PNPT1: variants seen among roughly 807,000 people sequenced by gnomAD.
The protein encoded by PNPT1 is polyribonucleotide nucleotidyltransferase 1, mitochondrial.
Under a neutral mutation model 119.5 loss-of-function variants are expected in PNPT1, and 53 were observed. The ratio of observed to expected loss-of-function variants is 0.44; its 90% CI spans 0.36 to 0.56. The LOEUF (loss-of-function observed/expected upper bound fraction) is 0.56. Among genes scored for constraint, PNPT1 ranks in the 20% least tolerant of loss-of-function variants. The pLI is 0.00. For synonymous variants in PNPT1, 357 were observed against 322.1 expected, an observed-to-expected ratio of 1.11 and a Z score of -1.16; for missense variants, 948 against 938.5, an observed-to-expected ratio of 1.01 and a Z score of -0.13.
chr2:55,658,998 A>G (rs1399163981), intron 15 of PNPT1, among the ~76,000 whole-genome samples: 1 of 152,192 alleles, frequency 6.6e-6, no homozygotes, highest in Non-Finnish European at 1.5e-5. Context: ...TCTGTTGCCC[A>G]GGCTGAAGTG....
intron 8 of PNPT1, among the ~76,000 whole-genome samples, chr2:55,675,726 C>T (rs1415453551): frequency 6.6e-6 from 1 of 152,086 alleles, no homozygotes; most frequent in African/African-American, 2.4e-5. Flanking sequence ...AAGAACACTC[C>T]TTACAGTTGA....
At position 55,666,407 on chromosome 2, in the gene PNPT1, A is replaced by C. The variant is rs541216925; in HGVS notation, c.1176+584T>G. 2.0e-5 allele frequency among the ~76,000 whole-genome samples: 3 copies of C among 152,316 alleles called. No individual in the cohort carries two copies. In the South Asian group the frequency reaches 6.2e-4, roughly 32 times the overall value. Reference sequence around the variant, plus strand: ...CCAAAGTGCTGGAATTACAAGAGTGAGCTACCATGCCTGGCCTGTTCATTA... The same window carrying C: ...CCAAAGTGCTGGAATTACAAGAGTGCGCTACCATGCCTGGCCTGTTCATTA... On this transcript the variant is annotated intron_variant, in intron 13 of 27. Transcript: ENST00000447944.
rs766792821 is a variant in PNPT1, at chr2:55,646,269, T to C, written c.1728A>G (p.Gln576=). Residue 576 remains glutamine (Q), a synonymous_variant, in exon 21 of 28, where the codon CAA becomes CAG. Transcript: ENST00000447944. ...AGCACACTAGCTCACCTGAAGCTTG[T>C]TGAATAGCCTCCATCACAATTTTTA... ...IPIKIVMEAI[Q]QASVAKKEIL... 78 of 1,612,958 alleles carry C rather than the reference T, an allele frequency of 4.8e-5. No homozygotes were observed. Among genetic ancestry groups the C allele is most frequent in the Non-Finnish European group, 6.2e-5 (73 of 1,179,222 alleles).
At chr2:55,686,219 C>G in intron 3 of PNPT1, 151 bp downstream of exon 3, 1 of 642,636 alleles carries the variant, frequency 1.6e-6, no homozygotes, top group Non-Finnish European at 2.6e-6. Context: ...GCAGTTTATA[C>G]TCTTTTAATG....
At chr2:55,661,755 A>G (rs1247163663) in intron 14 of PNPT1, among the ~76,000 whole-genome samples, 1 of 152,226 alleles carries the variant, frequency 6.6e-6, no homozygotes, top group Non-Finnish European at 1.5e-5. Flanking sequence ...TGCTTTACTA[A>G]TATTTGTTCC....
At chr2:55,637,032 G>C (rs1261443339) in intron 27 of PNPT1, among the ~76,000 whole-genome samples, 1 of 152,182 alleles carries the variant, frequency 6.6e-6, no homozygotes, top group Non-Finnish European at 1.5e-5. Context: ...GCGTATTAGC[G>C]TAAGTGAAAG....
At chr2:55,683,612 C>CAAAAA (rs397943177) in intron 5 of PNPT1, among the ~76,000 whole-genome samples, 173 bp downstream of exon 5, 1 of 74,166 alleles carries the variant, frequency 1.3e-5, no homozygotes, top group South Asian at 4.3e-4. Flanking sequence ...GACTCTGTCT[C>CAAAAA]AAAAAAAAAA....
intron 13 of PNPT1, 82 bp downstream of exon 13, chr2:55,666,909 C>G: frequency 1.2e-6 from 1 of 847,840 alleles, no homozygotes; most frequent in Non-Finnish European, 1.8e-6. Flanking sequence ...ACAAAACCTA[C>G]AGCATCTACT....
At chr2:55,650,724 T>G (rs1482224804) in intron 18 of PNPT1, among the ~76,000 whole-genome samples, 1 of 143,890 alleles carries the variant, frequency 6.9e-6, no homozygotes, top group African/African-American at 2.6e-5. Context: ...CCGCCCCGTC[T>G]GAGAAGTGAG....
At chr2:55,677,940 A>G (rs1278661957) in intron 8 of PNPT1, among the ~76,000 whole-genome samples, 1 of 151,950 alleles carries the variant, frequency 6.6e-6, no homozygotes, top group Non-Finnish European at 1.5e-5. Context: ...ACAGGGTTTC[A>G]CTGTGTTAGC....
chr2:55,670,288 G>A (rs1341784430), intron 11 of PNPT1, among the ~76,000 whole-genome samples: 2 of 151,958 alleles, frequency 1.3e-5, no homozygotes, highest in African/African-American at 2.4e-5. Flanking sequence ...CTGGGTTCAC[G>A]CCATTCTCCT....
chr2:55,662,702 A>C (rs1696616230), intron 13 of PNPT1, among the ~76,000 whole-genome samples: 1 of 152,074 alleles, frequency 6.6e-6, no homozygotes, highest in African/African-American at 2.4e-5. Context: ...AAATAAATTA[A>C]GAAAATCAGT....
chr2:55,639,075 C>T (rs547358357), intron 26 of PNPT1, among the ~76,000 whole-genome samples: 1 of 151,936 alleles, frequency 6.6e-6, no homozygotes, highest in African/African-American at 2.4e-5. Flanking sequence ...TGCACCTGGC[C>T]CAAGGACATC....
chr2:55,667,964 GA>G lies in PNPT1; in HGVS notation c.977-7del, dbSNP rs1288632459. 11 of 1,573,678 alleles carry G rather than the reference GA, an allele frequency of 7.0e-6. No homozygotes were observed. The highest frequency in any genetic ancestry group is 9.4e-6 in the Non-Finnish European group (11 of 1,168,316). On this transcript the variant is annotated splice_region_variant and splice_polypyrimidine_tract_variant and intron_variant, in intron 11 of 27. Transcript: ENST00000447944. Reference sequence around the variant, plus strand: ...ATCGGCTTCTGGAAATTTTTCTATAGAAAAAAGACAAACCAAAACAAAGATT... The same window carrying G: ...ATCGGCTTCTGGAAATTTTTCTATAGAAAAAGACAAACCAAAACAAAGATT...
intron 15 of PNPT1, among the ~76,000 whole-genome samples, chr2:55,658,013 A>C (rs1696444820): frequency 6.6e-6 from 1 of 151,670 alleles, no homozygotes; most frequent in Non-Finnish European, 1.5e-5. Context: ...TGAGGCAGGC[A>C]GACTGCTTGA....
At chr2:55,652,412 T>G (rs374246002) in intron 18 of PNPT1, among the ~76,000 whole-genome samples, 3 of 152,238 alleles carry the variant, frequency 2.0e-5, no homozygotes, top group Non-Finnish European at 2.9e-5. Flanking sequence ...ATTTTTAAAC[T>G]ATTAAGCTCC....
At chr2:55,676,262 C>CAAAAAAAA (rs11400030) in intron 8 of PNPT1, among the ~76,000 whole-genome samples, 33 of 82,802 alleles carry the variant, frequency 4.0e-4, no homozygotes, top group African/African-American at 7.5e-4. Flanking sequence ...CCATCTCAAC[C>CAAAAAAAA]AAAAAAAAAA....
intron 21 of PNPT1, among the ~76,000 whole-genome samples, chr2:55,646,003 C>T (rs765559872): frequency 6.6e-6 from 1 of 151,554 alleles, no homozygotes; most frequent in African/African-American, 2.4e-5. Context: ...AATTTTTGTA[C>T]TTTTAGTAGA....
chr2:55,662,113 TA>T (rs1187191781), intron 13 of PNPT1, 87 bp from the exon 14 acceptor site: 58 of 1,150,854 alleles, frequency 5.0e-5, no homozygotes, highest in East Asian at 4.2e-4. Context: ...AACTAACTCT[TA>T]AAAAAATGAG....
Sources: allele counts gnomAD v4.1 joint callset (sites outside exome capture counted in the v4.1 genomes callset), GRCh38; gene constraint gnomAD v4.1.1; transcripts MANE v1.5; gene names NCBI Gene and HGNC (gene_info 2026-07-23, HGNC 2026-07-21).